Variants in SLIT3 observed in about 807,000 individuals in gnomAD.
SLIT3 encodes slit guidance ligand 3.
In SLIT3, 68 loss-of-function variants were observed where a neutral mutation model predicts 184.0. The observed-to-expected ratio is 0.37, with a 90% CI of 0.30 to 0.45. The LOEUF (loss-of-function observed/expected upper bound fraction) is 0.45, where lower values mean the gene tolerates loss of function less well. Among genes scored for constraint, SLIT3 ranks in the 20% least tolerant of loss-of-function variants. The probability of loss-of-function intolerance (pLI) is 1.00; values close to 1 mark genes in which losing one functional copy is unlikely to be tolerated. For missense variants in SLIT3, 1,707 were observed against 2,026.0 expected, an observed-to-expected ratio of 0.84 and a Z score of 3.02; for synonymous variants, 831 against 828.6, an observed-to-expected ratio of 1.00 and a Z score of -0.05.
chr5:168,948,481 G>A (rs1356831736), intron 4 of SLIT3, among the ~76,000 whole-genome samples: 1 of 152,224 alleles, frequency 6.6e-6, no homozygotes, highest in Non-Finnish European at 1.5e-5. Flanking sequence ...CAGCACCTGA[G>A]AGAAATGATT....
chr5:169,074,041 G>A (rs1758648259), intron 4 of SLIT3, among the ~76,000 whole-genome samples: 1 of 152,104 alleles, frequency 6.6e-6, no homozygotes, highest in African/African-American at 2.4e-5. Flanking sequence ...TCAAAGAAGT[G>A]GGGATTTGGA....
At chr5:168,739,286 C>T (rs1250335980) in intron 20 of SLIT3, among the ~76,000 whole-genome samples, 1 of 152,192 alleles carries the variant, frequency 6.6e-6, no homozygotes, top group Non-Finnish European at 1.5e-5. Flanking sequence ...CAAAGGTTCA[C>T]TGGTACAAGT....
intron 5 of SLIT3, among the ~76,000 whole-genome samples, chr5:168,867,369 G>A (rs900379821): frequency 6.6e-6 from 1 of 152,210 alleles, no homozygotes; most frequent in Non-Finnish European, 1.5e-5. Flanking sequence ...AGATGGTGCT[G>A]GTGACAGAGA....
chr5:168,796,302 A>C (rs1756562404), intron 9 of SLIT3, among the ~76,000 whole-genome samples: 1 of 152,246 alleles, frequency 6.6e-6, no homozygotes, highest in Non-Finnish European at 1.5e-5. Flanking sequence ...AGGGCCCAGA[A>C]CTTCCTTGGA....
chr5:169,283,148 A>AG (rs1767043282), intron 1 of SLIT3, among the ~76,000 whole-genome samples: 1 of 152,234 alleles, frequency 6.6e-6, no homozygotes. Context: ...CTTTCTCCAA[A>AG]GGCCACGCAT....
At chr5:168,872,959 C>T (rs1351728037) in intron 5 of SLIT3, among the ~76,000 whole-genome samples, 1 of 152,158 alleles carries the variant, frequency 6.6e-6, no homozygotes, top group African/African-American at 2.4e-5. Flanking sequence ...TACTTTCAGA[C>T]AATCTTGATG....
chr5:168,688,579 G>A lies in SLIT3; in HGVS notation c.3177-1463C>T, dbSNP rs929485426. 7.2e-5 allele frequency among the ~76,000 whole-genome samples: 11 copies of A among 152,206 alleles called. No homozygotes were observed. The East Asian group carries it at 2.1e-3, about 29-fold the overall frequency. On this transcript the variant is annotated intron_variant, in intron 29 of 35. Transcript: ENST00000519560. ...GGTGATGTGTCCTCGACTGGAACAA[G>A]TTCCTGAAACTGAGGACTTACTGGC...
At chr5:169,131,691 TTC>T (rs1432929221) in intron 4 of SLIT3, among the ~76,000 whole-genome samples, 1 of 152,246 alleles carries the variant, frequency 6.6e-6, no homozygotes, top group Non-Finnish European at 1.5e-5. Context: ...TTATCTGTAC[TTC>T]TTACTATCCT....
chr5:169,243,550 A>G (rs1765476592), intron 3 of SLIT3, among the ~76,000 whole-genome samples: 1 of 152,224 alleles, frequency 6.6e-6, no homozygotes, highest in Admixed American at 6.5e-5. Context: ...TTCACACAAC[A>G]GAGAGGGAGG....
At chr5:168,692,963 T>C (rs546466443) in intron 28 of SLIT3, among the ~76,000 whole-genome samples, 95 of 152,346 alleles carry the variant, frequency 6.2e-4, no homozygotes, top group South Asian at 3.5e-3. Flanking sequence ...TTGGCTGTTT[T>C]ACTTGATCTT....
At chr5:169,097,297 G>A (rs1466104378) in intron 4 of SLIT3, among the ~76,000 whole-genome samples, 3 of 152,168 alleles carry the variant, frequency 2.0e-5, no homozygotes, top group African/African-American at 7.2e-5. Context: ...CATTAAGTGT[G>A]AGATGTGGTA....
chr5:168,805,061 A>G (rs1581100753), intron 9 of SLIT3, among the ~76,000 whole-genome samples: 1 of 152,296 alleles, frequency 6.6e-6, no homozygotes, highest in South Asian at 2.1e-4. Context: ...TCTCCACAGA[A>G]TCTACCTTCT....
intron 9 of SLIT3, 74 bp from the exon 10 acceptor site, chr5:168,795,652 C>A: frequency 8.2e-7 from 1 of 1,225,042 alleles, no homozygotes; most frequent in South Asian, 1.2e-5. Flanking sequence ...CTACTGTGTT[C>A]TCTGGCCTTA....
chr5:168,759,709 G>A (rs534365778), intron 16 of SLIT3, among the ~76,000 whole-genome samples: 1 of 152,310 alleles, frequency 6.6e-6, no homozygotes, highest in Admixed American at 6.5e-5. Flanking sequence ...GTTGTTCTGT[G>A]CACACCCGAG....
At chr5:169,192,884 C>T (rs779994753) in intron 4 of SLIT3, among the ~76,000 whole-genome samples, 3 of 152,196 alleles carry the variant, frequency 2.0e-5, no homozygotes, top group Non-Finnish European at 4.4e-5. Flanking sequence ...CCAAATTCTC[C>T]CACTGAATAA....
intron 4 of SLIT3, among the ~76,000 whole-genome samples, chr5:169,096,757 A>G (rs1184285176): frequency 6.6e-6 from 1 of 152,216 alleles, no homozygotes; most frequent in East Asian, 1.9e-4. Context: ...TAGTCCATTC[A>G]ACATTCCTAT....
At chr5:169,013,952 C>T (rs1756264008) in intron 4 of SLIT3, among the ~76,000 whole-genome samples, 1 of 152,164 alleles carries the variant, frequency 6.6e-6, no homozygotes, top group Non-Finnish European at 1.5e-5. Flanking sequence ...CTTGTTCATG[C>T]TATAGTTCCT....
chr5:169,016,959 A>G (rs146776407), intron 4 of SLIT3, among the ~76,000 whole-genome samples: 152 of 152,310 alleles, frequency 1.0e-3, no homozygotes, highest in African/African-American at 3.3e-3. Flanking sequence ...ACAGAGCAAG[A>G]GTGGGGTTTG....
chr5:169,182,637 A>C (rs1459114637), intron 4 of SLIT3, among the ~76,000 whole-genome samples: 1 of 152,250 alleles, frequency 6.6e-6, no homozygotes, highest in South Asian at 2.1e-4. Context: ...TTGATGCTGA[A>C]TGTGGTTCAG....
Sources: gnomAD v4.1 joint callset for allele counts (sites outside exome capture counted in the v4.1 genomes callset) on GRCh38, gnomAD v4.1.1 for gene constraint, MANE v1.5 for transcripts, NCBI Gene and HGNC (gene_info 2026-07-23, HGNC 2026-07-21) for gene names.